Variants in FMN2 observed in about 807,000 individuals in gnomAD.
FMN2 encodes the protein formin-2.
In FMN2, 51 loss-of-function variants were observed where a neutral mutation model predicts 142.3. That is an observed-to-expected ratio of 0.36 (90% CI 0.29 to 0.45). The LOEUF (loss-of-function observed/expected upper bound fraction) is 0.45. Ranked by LOEUF, FMN2 falls within the 20% of genes least tolerant of loss-of-function variation. The pLI is 1.00. For missense variants in FMN2, 1,936 were observed against 2,122.8 expected (o/e 0.91, Z 1.73); for synonymous variants, 882 against 869.8 (o/e 1.01, Z -0.25).
chr1:240,175,187 C>T (rs1664868022), intron 2 of FMN2, among the ~76,000 whole-genome samples: 1 of 152,160 alleles, frequency 6.6e-6, no homozygotes, highest in African/African-American at 2.4e-5. Flanking sequence ...TAAATAATTT[C>T]CCAGTTTGTA....
intron 14 of FMN2, among the ~76,000 whole-genome samples, chr1:240,374,704 C>T (rs1169249743): frequency 6.6e-6 from 1 of 152,118 alleles, no homozygotes; most frequent in Non-Finnish European, 1.5e-5. Flanking sequence ...TCTAATCGGA[C>T]CACTAAAAAT....
chr1:240,155,719 A>G (rs1257050100), intron 2 of FMN2, among the ~76,000 whole-genome samples: 1 of 152,136 alleles, frequency 6.6e-6, no homozygotes, highest in Non-Finnish European at 1.5e-5. Flanking sequence ...TCAAAGATCA[A>G]GGTTTCTAGT....
chr1:240,096,212 A>G (rs1443378045), intron 1 of FMN2, among the ~76,000 whole-genome samples: 1 of 152,172 alleles, frequency 6.6e-6, no homozygotes, highest in Non-Finnish European at 1.5e-5. Flanking sequence ...TTGGATATAC[A>G]ATGTTTTAAG....
chr1:240,375,238 T>C (rs1461983401), intron 14 of FMN2, among the ~76,000 whole-genome samples: 1 of 151,992 alleles, frequency 6.6e-6, no homozygotes, highest in Non-Finnish European at 1.5e-5. Flanking sequence ...AAGATAATAA[T>C]GGGAAAGTTT....
At chr1:240,164,551 T>C (rs983036349) in intron 2 of FMN2, among the ~76,000 whole-genome samples, 2 of 152,190 alleles carry the variant, frequency 1.3e-5, no homozygotes, top group African/African-American at 4.8e-5. Flanking sequence ...ACAAATTCTT[T>C]AGTGTTTTTG....
chr1:240,270,630 A>G (rs1000436676), intron 7 of FMN2, among the ~76,000 whole-genome samples: 15 of 150,884 alleles, frequency 9.9e-5, no homozygotes, highest in African/African-American at 3.6e-4. Flanking sequence ...TAAAATATAT[A>G]ATATATATAT....
intron 8 of FMN2, among the ~76,000 whole-genome samples, chr1:240,300,616 A>G (rs1670164049): frequency 6.6e-6 from 1 of 152,110 alleles, no homozygotes; most frequent in Admixed American, 6.5e-5. Context: ...AACCGAAATG[A>G]AAACAAAATA....
rs375931054 is a variant in FMN2, at chr1:240,136,176, C to T, written c.1782+12831C>T. Among the ~76,000 whole-genome samples, 17 of 152,082 alleles carry T rather than the reference C, an allele frequency of 1.1e-4. No individual in the cohort carries two copies. The East Asian group carries it at 1.5e-3, about 14-fold the overall frequency. On this transcript the variant is annotated intron_variant, in intron 2 of 17. Coordinates refer to ENST00000319653, the MANE Select transcript of FMN2 (RefSeq NM_020066.5). ...ATTATTTTATTTTTCTGATCCGGTACGTGATTTAATAAATTTCTAATATGT... is the reference window on the plus strand; with the variant it reads ...ATTATTTTATTTTTCTGATCCGGTATGTGATTTAATAAATTTCTAATATGT...
chr1:240,310,245 C>G (rs1449775315), intron 8 of FMN2, among the ~76,000 whole-genome samples: 1 of 152,178 alleles, frequency 6.6e-6, no homozygotes, highest in Non-Finnish European at 1.5e-5. Context: ...AACCTAAATC[C>G]TTTCCCATAA....
At chr1:240,188,750 C>T (rs1320084464) in intron 4 of FMN2, among the ~76,000 whole-genome samples, 1 of 152,104 alleles carries the variant, frequency 6.6e-6, no homozygotes, top group Non-Finnish European at 1.5e-5. Context: ...CGTTTTCACA[C>T]TGCTGATAAG....
intron 13 of FMN2, among the ~76,000 whole-genome samples, chr1:240,352,723 T>C (rs1401610409): frequency 6.6e-6 from 1 of 152,226 alleles, no homozygotes; most frequent in Non-Finnish European, 1.5e-5. Flanking sequence ...TTGTCTTCCA[T>C]ATATTCAGTA....
intron 6 of FMN2, among the ~76,000 whole-genome samples, chr1:240,221,600 T>C (rs1667116342): frequency 6.6e-6 from 1 of 152,300 alleles, no homozygotes; most frequent in African/African-American, 2.4e-5. Context: ...TTTGTTTAAG[T>C]TCTTTGTAGA....
chr1:240,367,784 A>G (rs1412591956), intron 14 of FMN2, among the ~76,000 whole-genome samples: 4 of 150,840 alleles, frequency 2.7e-5, no homozygotes, highest in African/African-American at 7.4e-5. Flanking sequence ...AAAAAAAAAA[A>G]AAAAAAAGAA....
intron 3 of FMN2, among the ~76,000 whole-genome samples, chr1:240,182,821 A>T (rs539519689): frequency 1.4e-3 from 208 of 152,348 alleles, no homozygotes; most frequent in Middle Eastern, 3.4e-3. Context: ...AGTCACTCAC[A>T]GAAGCACAAC....
chr1:240,173,249 A>G (rs565379300), intron 2 of FMN2, among the ~76,000 whole-genome samples: 493 of 152,174 alleles, frequency 3.2e-3, no homozygotes, highest in Middle Eastern at 6.8e-3. Flanking sequence ...AGTGGCTTTT[A>G]TGTAGTCATC....
chr1:240,387,329 G>C (rs1673439794), intron 14 of FMN2, among the ~76,000 whole-genome samples: 1 of 152,156 alleles, frequency 6.6e-6, no homozygotes, highest in Non-Finnish European at 1.5e-5. Flanking sequence ...CCCACAGTAT[G>C]TTTGGAATAA....
intron 15 of FMN2, among the ~76,000 whole-genome samples, chr1:240,430,435 G>T (rs746876704): frequency 3.1e-4 from 47 of 151,924 alleles, no homozygotes; most frequent in Non-Finnish European, 4.6e-4. Flanking sequence ...TTTGATTTAA[G>T]CCAACTCTTA....
At chr1:240,448,854 G>A (rs1375038010) in intron 16 of FMN2, among the ~76,000 whole-genome samples, 1 of 151,962 alleles carries the variant, frequency 6.6e-6, no homozygotes, top group Non-Finnish European at 1.5e-5. Flanking sequence ...ATAAAAAGTG[G>A]TTAACTGGCA....
chr1:240,228,303 CAAAA>C (rs577421634), intron 6 of FMN2, among the ~76,000 whole-genome samples: 704 of 47,608 alleles, frequency 0.015, 1 homozygote, highest in Non-Finnish European at 0.026. Context: ...AACTCTGTCT[CAAAA>C]AAAAAAAAAA....
Sources: allele counts gnomAD v4.1 joint callset (sites outside exome capture counted in the v4.1 genomes callset), GRCh38; gene constraint gnomAD v4.1.1; transcripts MANE v1.5; gene names NCBI Gene and HGNC (gene_info 2026-07-23, HGNC 2026-07-21).